The following TIGAR variants were observed in gnomAD, a reference collection of about 807,000 sequenced individuals.
TIGAR encodes the protein fructose-2,6-bisphosphatase TIGAR.
In TIGAR, 7 loss-of-function variants were observed where a neutral mutation model predicts 17.9. The ratio of observed to expected loss-of-function variants is 0.39; its 90% CI spans 0.22 to 0.73. The LOEUF (loss-of-function observed/expected upper bound fraction) is 0.73. Among genes scored for constraint, TIGAR ranks in the 30% least tolerant of loss-of-function variants. The probability of loss-of-function intolerance (pLI) is 0.42; values close to 1 mark genes in which losing one functional copy is unlikely to be tolerated. For missense variants in TIGAR, 258 were observed against 327.4 expected (o/e 0.79, Z 1.64); for synonymous variants, 94 against 108.6 (o/e 0.87, Z 0.84).
intron 4 of TIGAR, among the ~76,000 whole-genome samples, 186 bp downstream of exon 4, chr12:4,350,082 A>G (rs1864821804): frequency 6.6e-6 from 1 of 152,230 alleles, no homozygotes. Flanking sequence ...ATTAAAATCA[A>G]ACGAGACAAG....
intron 1 of TIGAR, 71 bp from the exon 2 acceptor site, chr12:4,331,209 G>A: frequency 7.5e-7 from 1 of 1,333,962 alleles, no homozygotes; most frequent in South Asian, 1.2e-5. Flanking sequence ...ACACTTGATT[G>A]CTCATTTTTT....
In TIGAR at chr12:4,357,016, T is replaced by A. The variant is rs1200227953; in HGVS notation, c.*4325T>A. On this transcript the variant is annotated 3_prime_UTR_variant, in exon 6 of 6. Coordinates refer to ENST00000179259, the MANE Select transcript of TIGAR (RefSeq NM_020375.3). ...CTTTTTAACTAAAAACCTGTTTTAG[T>A]TAGCATCTTTATTCTAATTTCTTTA... Among the ~76,000 whole-genome samples, 1 of 152,238 alleles carries A rather than the reference T, an allele frequency of 6.6e-6. No homozygotes were observed. The highest frequency in any genetic ancestry group is 2.1e-4 in the South Asian group (1 of 4,836).
chr12:4,345,831 A>C (rs1411247704), intron 3 of TIGAR, among the ~76,000 whole-genome samples: 2 of 152,224 alleles, frequency 1.3e-5, no homozygotes, highest in South Asian at 2.1e-4. Flanking sequence ...CAACCTACAG[A>C]ATGGGAGAAA....
intron 3 of TIGAR, among the ~76,000 whole-genome samples, chr12:4,349,040 T>A (rs1864809903): frequency 6.6e-6 from 1 of 152,198 alleles, no homozygotes; most frequent in South Asian, 2.1e-4. Flanking sequence ...GAATTAAGGC[T>A]CAATGGATGG....
chr12:4,331,561 A>G (rs2120656266), intron 2 of TIGAR, among the ~76,000 whole-genome samples: 1 of 152,344 alleles, frequency 6.6e-6, no homozygotes, highest in Middle Eastern at 3.4e-3. Context: ...TATGGCTTCA[A>G]AGTGGCTCTG....
At chr12:4,325,100 G>A (rs1864529715) in intron 1 of TIGAR, among the ~76,000 whole-genome samples, 1 of 151,952 alleles carries the variant, frequency 6.6e-6, no homozygotes, top group Non-Finnish European at 1.5e-5. Flanking sequence ...GTGCCACCAT[G>A]CCTGGCTACT....
chr12:4,349,945 C>A, intron 4 of TIGAR, 49 bp downstream of exon 4: 1 of 1,316,720 alleles, frequency 7.6e-7, no homozygotes, highest in Non-Finnish European at 1.0e-6. Flanking sequence ...TATCAGTAAG[C>A]CACCTCAGTT....
chr12:4,343,147 A>T (rs1045957876), intron 3 of TIGAR, among the ~76,000 whole-genome samples: 8 of 152,230 alleles, frequency 5.3e-5, no homozygotes, highest in African/African-American at 1.7e-4. Flanking sequence ...AGGCCATTAC[A>T]TAATGGTAAA....
chr12:4,322,002 T>TC (rs1864485213), intron 1 of TIGAR, among the ~76,000 whole-genome samples: 1 of 117,342 alleles, frequency 8.5e-6, no homozygotes, highest in South Asian at 2.9e-4. Flanking sequence ...ATTTTTATTT[T>TC]TTTTTTTTTG....
Position 4,324,618 on chromosome 12 carries a change from C to T in TIGAR, c.32+3315C>T, listed in dbSNP as rs1458414614. 3.2e-6 allele frequency: 5 copies of T among 1,540,004 alleles called. No homozygotes were observed. The Admixed American group carries it at 9.3e-5, about 29-fold the overall frequency. Reference sequence around the variant, plus strand: ...GCTTCTCCATGGGCGGTGCCTCCTTCTTGGCCTTGCGCAGGCGCTTCAGCA... The same window carrying T: ...GCTTCTCCATGGGCGGTGCCTCCTTTTTGGCCTTGCGCAGGCGCTTCAGCA... On this transcript the variant is annotated intron_variant, in intron 1 of 5. Transcript: ENST00000179259.
intron 3 of TIGAR, among the ~76,000 whole-genome samples, chr12:4,347,360 CATGGAG>C (rs1391861501): frequency 1.3e-5 from 2 of 151,952 alleles, no homozygotes; most frequent in East Asian, 3.9e-4. Context: ...CAATTGAACT[CATGGAG>C]ATAGAGAGTA....
Position 4,358,780 on chromosome 12 carries a change from TG to T in TIGAR, c.*6090del, listed in dbSNP as rs562711061. ...ATCAATCCAGGACTGTGTGTTGTGT[TG>T]CATTTAGTTGTCATGTTTCTTCATG... On this transcript the variant is annotated 3_prime_UTR_variant, in exon 6 of 6. Transcript: ENST00000179259. Among the ~76,000 whole-genome samples, 402 of 152,212 alleles carry T rather than the reference TG, an allele frequency of 2.6e-3. 1 individual carries two copies. Among genetic ancestry groups the T allele is most frequent in the Middle Eastern group, 0.02 (6 of 294 alleles).
intron 1 of TIGAR, chr12:4,324,719 C>T (rs1043383383): frequency 1.6e-5 from 11 of 697,730 alleles, no homozygotes; most frequent in Admixed American, 1.1e-4. Flanking sequence ...GTCAGCTGCT[C>T]GCAGGACACG....
intron 2 of TIGAR, among the ~76,000 whole-genome samples, chr12:4,332,395 C>T (rs150720963): frequency 0.024 from 3,619 of 152,074 alleles, 62 homozygotes; most frequent in Middle Eastern, 0.061. Flanking sequence ...AGGCACGTGC[C>T]CCCATGCCCA....
chr12:4,329,958 G>C (rs1864587091), intron 1 of TIGAR, among the ~76,000 whole-genome samples: 1 of 152,130 alleles, frequency 6.6e-6, no homozygotes, highest in Non-Finnish European at 1.5e-5. Context: ...ATTAAATAGA[G>C]TAGGTAGATG....
intron 3 of TIGAR, among the ~76,000 whole-genome samples, chr12:4,340,444 G>A (rs1199147034): frequency 6.6e-6 from 1 of 152,158 alleles, no homozygotes. Context: ...TAGATTAGAA[G>A]AGTCAATATT....
At chr12:4,337,190 C>T (rs1324361612) in intron 3 of TIGAR, 30 bp downstream of exon 3, 1 of 1,535,028 alleles carries the variant, frequency 6.5e-7, no homozygotes, top group African/African-American at 1.4e-5. Context: ...TATTTTGAGA[C>T]AGAGCGTCAC....
chr12:4,352,735 G>A lies in TIGAR; in HGVS notation c.*44G>A. The A allele has an allele frequency of 6.5e-7, 1 of 1,549,262 alleles. No homozygotes were observed. Among genetic ancestry groups the A allele is most frequent in the Admixed American group, 1.8e-5 (1 of 54,596 alleles). ...ATCTAACCATTTTGAGCCTCTGAAG[G>A]GAGTGCCATTGGCTTTATTTACTTC... is the stretch of plus-strand genomic sequence containing the variant. On this transcript the variant is annotated 3_prime_UTR_variant, in exon 6 of 6. Coordinates refer to ENST00000179259, the MANE Select transcript of TIGAR (RefSeq NM_020375.3).
chr12:4,355,441 TA>T lies in TIGAR; in HGVS notation c.*2751del, dbSNP rs1006478934. On this transcript the variant is annotated 3_prime_UTR_variant, in exon 6 of 6. Transcript: ENST00000179259. ...GCAGCTGACTGTCTTAAAGGGTGGA[TA>T]CCTCCTCTTGTTCATTTTTAAAGTT... Among the ~76,000 whole-genome samples the T allele has an allele frequency of 4.6e-5, 7 of 152,220 alleles. No individual in the cohort carries two copies. The highest frequency in any genetic ancestry group is 1.7e-4 in the African/African-American group (7 of 41,452).
Sources: allele counts gnomAD v4.1 joint callset (sites outside exome capture counted in the v4.1 genomes callset), GRCh38; gene constraint gnomAD v4.1.1; transcripts MANE v1.5; gene names NCBI Gene and HGNC (gene_info 2026-07-23, HGNC 2026-07-21).